MYDGF: variants seen among roughly 807,000 people sequenced by gnomAD.
The protein encoded by MYDGF is myeloid-derived growth factor.
Under a neutral mutation model 24.2 loss-of-function variants are expected in MYDGF, and 29 were observed. The observed-to-expected ratio is 1.20, with a 90% CI of 0.89 to 1.63. The LOEUF (loss-of-function observed/expected upper bound fraction) is 1.63, where lower values mean the gene tolerates loss of function less well. Among genes scored for constraint, MYDGF ranks in the 40% most tolerant of loss-of-function variants. MYDGF has a pLI of 0.00. For synonymous variants in MYDGF, 105 were observed against 102.5 expected (o/e 1.02, Z -0.15); for missense variants, 245 against 234.8 (o/e 1.04, Z -0.29).
chr19:4,665,820 CAAAAAAAA>C (rs533879529), intron 2 of MYDGF, among the ~76,000 whole-genome samples: 529 of 45,312 alleles, frequency 0.012, 1 homozygote, highest in Non-Finnish European at 0.029. Context: ...GACTCTGTCT[CAAAAAAAA>C]AAAAAAAAAA....
chr19:4,667,350 G>A (rs1294512701), intron 2 of MYDGF, among the ~76,000 whole-genome samples: 1 of 152,014 alleles, frequency 6.6e-6, no homozygotes, highest in East Asian at 1.9e-4. Flanking sequence ...GGATGGTCTC[G>A]ATCTCCTGAC....
intron 1 of MYDGF, 183 bp from the exon 2 acceptor site, chr19:4,668,828 C>G: frequency 1.9e-6 from 1 of 517,718 alleles, no homozygotes; most frequent in Non-Finnish European, 3.5e-6. Flanking sequence ...ACAATAGGTA[C>G]GCAACCACCA....
In MYDGF at chr19:4,668,611, TGA is replaced by T. The variant is rs1358707774; in HGVS notation, c.207_208del (p.Gln70ArgfsTer5). The stretch of plus-strand genomic sequence containing the variant: ...ACAACTCACCTCATTGGTCCCTCCT[TGA>T]GAGGCGTAAGTGAACATACACGTAT... On this transcript the variant is annotated frameshift_variant, in exon 2 of 6. Transcript: ENST00000262947. LOFTEE classifies it high-confidence loss of function. 2 of 1,613,120 alleles carry T rather than the reference TGA, an allele frequency of 1.2e-6. No homozygotes were observed. Among genetic ancestry groups the T allele is most frequent in the Non-Finnish European group, 1.7e-6 (2 of 1,179,332 alleles).
At chr19:4,662,174 G>A (rs1568286457) in intron 3 of MYDGF, among the ~76,000 whole-genome samples, 1 of 152,170 alleles carries the variant, frequency 6.6e-6, no homozygotes. Flanking sequence ...GGCACGGCGG[G>A]ACAACACCCA....
intron 2 of MYDGF, among the ~76,000 whole-genome samples, chr19:4,666,651 A>G (rs149767731): frequency 2.9e-4 from 44 of 152,304 alleles, no homozygotes; most frequent in African/African-American, 1.0e-3. Context: ...CTGCACTTGT[A>G]CAATGAACCC....
intron 3 of MYDGF, among the ~76,000 whole-genome samples, chr19:4,662,701 G>A (rs978237879): frequency 8.5e-5 from 13 of 152,104 alleles, no homozygotes; most frequent in African/African-American, 2.4e-4. Context: ...AGAAGGCTAT[G>A]AGCCATCAGG....
chr19:4,661,125 TCTGA>T (rs1049525158), intron 3 of MYDGF, among the ~76,000 whole-genome samples: 3 of 151,882 alleles, frequency 2.0e-5, no homozygotes, highest in Middle Eastern at 3.2e-3. Context: ...CGCGACCACA[TCTGA>T]CTAATTTTGG....
intron 2 of MYDGF, among the ~76,000 whole-genome samples, chr19:4,665,579 T>TGGGA (rs2088513939): frequency 6.6e-6 from 1 of 151,668 alleles, no homozygotes; most frequent in Non-Finnish European, 1.5e-5. Flanking sequence ...CCCAGCACTT[T>TGGGA]GGGAGGCCGA....
chr19:4,664,050 T>C (rs73537509), intron 3 of MYDGF, among the ~76,000 whole-genome samples: 35,968 of 151,332 alleles, frequency 0.24, 7,644 homozygotes, highest in African/African-American at 0.58. Context: ...GGACGTCACG[T>C]TCAGTGAGAG....
At chr19:4,667,022 C>T (rs544633947) in intron 2 of MYDGF, among the ~76,000 whole-genome samples, 1 of 152,132 alleles carries the variant, frequency 6.6e-6, no homozygotes, top group Admixed American at 6.5e-5. Flanking sequence ...TGCTGCCAGC[C>T]AGAGGCTGTT....
intron 2 of MYDGF, among the ~76,000 whole-genome samples, chr19:4,666,793 C>T (rs2088524845): frequency 6.6e-6 from 1 of 152,066 alleles, no homozygotes; most frequent in South Asian, 2.1e-4. Context: ...GGCCGGGCAC[C>T]GGTGGCTCAC....
chr19:4,665,966 G>A (rs1050592290), intron 2 of MYDGF, among the ~76,000 whole-genome samples: 2 of 151,862 alleles, frequency 1.3e-5, no homozygotes, highest in Non-Finnish European at 2.9e-5. Flanking sequence ...ACACCATATG[G>A]GTGTGAAAAC....
intron 3 of MYDGF, among the ~76,000 whole-genome samples, chr19:4,663,645 C>CCACCCCA (rs2088496475): frequency 8.4e-6 from 1 of 119,344 alleles, no homozygotes. Flanking sequence ...CCCTCCCCAC[C>CCACCCCA]TCATCCTCAT....
In MYDGF at chr19:4,668,772, C is replaced by G. The variant is rs552459764; in HGVS notation, c.175-127G>C. 9.6e-6 allele frequency: 7 copies of G among 729,622 alleles called. No individual in the cohort carries two copies. The African/African-American group carries it at 1.1e-4, about 11-fold the overall frequency. 45.2% of individuals were successfully genotyped at this position (729,622 alleles called of 1,614,324 possible). On this transcript the variant is annotated intron_variant, in intron 1 of 5. Coordinates refer to ENST00000262947, the MANE Select transcript of MYDGF (RefSeq NM_019107.4). ...TGACAGCTCACTGCAGCCTCGAACT[C>G]CCAGGTTTGAGTAATCCTCTTGCCT...
At chr19:4,663,069 C>A (rs538042657) in intron 3 of MYDGF, among the ~76,000 whole-genome samples, 1 of 149,124 alleles carries the variant, frequency 6.7e-6, no homozygotes, top group East Asian at 2.0e-4. Context: ...ACTCTCCCCA[C>A]CCCACTCCAT....
rs73537510 is a variant in MYDGF, at chr19:4,664,062, C to T, written c.287+814G>A. ...TGAGGACGTCACGTTCAGTGAGAGA[C>T]GCCAGACACCAAAGGCCACACAGGG... On this transcript the variant is annotated intron_variant, in intron 3 of 5. Coordinates refer to ENST00000262947, the MANE Select transcript of MYDGF (RefSeq NM_019107.4). Among the ~76,000 whole-genome samples the T allele has an allele frequency of 3.3e-5, 5 of 151,700 alleles. No homozygotes were observed. In the East Asian group the frequency reaches 5.9e-4, roughly 18 times the overall value.
At chr19:4,663,250 C>A (rs554544594) in intron 3 of MYDGF, among the ~76,000 whole-genome samples, 23 of 128,394 alleles carry the variant, frequency 1.8e-4, no homozygotes, top group Non-Finnish European at 3.6e-4. Context: ...TCCCCACCCA[C>A]CCCATCCTCA....
intron 2 of MYDGF, among the ~76,000 whole-genome samples, chr19:4,667,121 CT>C (rs57093750): frequency 0.025 from 2,518 of 102,232 alleles, 8 homozygotes; most frequent in East Asian, 0.067. Context: ...TCAAATCACC[CT>C]TTTTTTTTTT....
intron 2 of MYDGF, among the ~76,000 whole-genome samples, chr19:4,668,064 A>G (rs2088534419): frequency 6.6e-6 from 1 of 152,158 alleles, no homozygotes; most frequent in South Asian, 2.1e-4. Flanking sequence ...AGTAGCTGGG[A>G]CTACAGGCAT....
Sources: gnomAD v4.1 joint callset for allele counts (sites outside exome capture counted in the v4.1 genomes callset) on GRCh38, gnomAD v4.1.1 for gene constraint, MANE v1.5 for transcripts, NCBI Gene and HGNC (gene_info 2026-07-23, HGNC 2026-07-21) for gene names.